Variants in SCRIB observed in about 807,000 individuals in gnomAD.
SCRIB encodes protein scribble homolog.
Under a neutral mutation model 170.0 loss-of-function variants are expected in SCRIB, and 72 were observed. The observed-to-expected ratio is 0.42, with a 90% CI of 0.35 to 0.52. The LOEUF (loss-of-function observed/expected upper bound fraction) is 0.52. Among genes scored for constraint, SCRIB ranks in the 20% least tolerant of loss-of-function variants. SCRIB has a pLI of 0.02. For synonymous variants in SCRIB, 1,298 were observed against 1,044.3 expected (o/e 1.24, Z -4.68); for missense variants, 2,475 against 2,338.5 (o/e 1.06, Z -1.20).
At chr8:143,798,136 A>C (rs1007930741) in intron 24 of SCRIB, among the ~76,000 whole-genome samples, 2 of 152,140 alleles carry the variant, frequency 1.3e-5, no homozygotes, top group African/African-American at 4.8e-5. Flanking sequence ...GACGCCTGTA[A>C]TCCCAGCTAC....
At chr8:143,802,070 G>A (rs782120009) in intron 24 of SCRIB, among the ~76,000 whole-genome samples, 3 of 152,246 alleles carry the variant, frequency 2.0e-5, no homozygotes, top group South Asian at 2.1e-4. Flanking sequence ...CGAATGAAAC[G>A]TGTTTAGATA....
rs146032533 is a variant in SCRIB, at chr8:143,805,469, C to A, written c.2347-34G>T. On this transcript the variant is annotated intron_variant, in intron 18 of 36. Transcript: ENST00000356994. Reference sequence around the variant, plus strand: ...CAGGGACCACGTGCGTATTCAGGACCCAGTGCCGCCACAGACAGCCACGTG... The same window carrying A: ...CAGGGACCACGTGCGTATTCAGGACACAGTGCCGCCACAGACAGCCACGTG... 4,124 of 1,444,042 alleles carry A rather than the reference C, an allele frequency of 2.9e-3. 21 individuals are homozygous for A. The highest frequency in any genetic ancestry group is 0.027 in the Middle Eastern group (150 of 5,570). 89.5% of individuals were successfully genotyped at this position (1,444,042 alleles called of 1,614,324 possible).
chr8:143,804,010 C>T (rs1448422623), intron 22 of SCRIB, 36 bp downstream of exon 22: 3 of 1,579,612 alleles, frequency 1.9e-6, no homozygotes, highest in South Asian at 2.3e-5. Flanking sequence ...GGGATGGGTG[C>T]ACCTCTCACA....
chr8:143,813,029 C>T lies in SCRIB; in HGVS notation c.642+1G>A. The T allele has an allele frequency of 6.2e-7, 1 of 1,601,606 alleles. No individual in the cohort carries two copies. The highest frequency in any genetic ancestry group is 8.5e-7 in the Non-Finnish European group (1 of 1,175,132). The stretch of plus-strand genomic sequence containing the variant: ...AGGGGGCCAGCCCCACCCTGACTCA[C>T]CGGGGGCAGTGCTGACAGCTGGTTC... On this transcript the variant is annotated splice_donor_variant, in intron 7 of 36. Coordinates refer to ENST00000356994, the MANE Select transcript of SCRIB (RefSeq NM_182706.5). LOFTEE classifies it high-confidence loss of function.
chr8:143,791,521 G>A, intron 35 of SCRIB, 81 bp from the exon 36 acceptor site: 1 of 1,588,906 alleles, frequency 6.3e-7, no homozygotes, highest in East Asian at 2.3e-5. Flanking sequence ...TCCCAGCCCT[G>A]AGGCCCACAG....
chr8:143,792,056 C>T lies in SCRIB; in HGVS notation c.4592G>A (p.Gly1531Glu). 1 of 1,587,110 alleles carries T rather than the reference C, an allele frequency of 6.3e-7. No homozygotes were observed. Among genetic ancestry groups the T allele is most frequent in the Non-Finnish European group, 8.5e-7 (1 of 1,171,956 alleles). The change falls in exon 33 of 37, where the codon GGG becomes GAG. Residue 1531 changes from glycine to glutamate, a missense_variant. Gly to Glu is a moderately conservative substitution (Grantham distance 98). Transcript: ENST00000356994. ...GGCCTCGGCCAGTCGCTCCAGGGGCCCCCGCGTGCCCCGGCCTTCCTGGGA... is the reference window on the plus strand; with the variant it reads ...GGCCTCGGCCAGTCGCTCCAGGGGCTCCCGCGTGCCCCGGCCTTCCTGGGA... ...SRSQEGRGTRGPLERLAEAPS... is the reference protein window; with the variant it reads ...SRSQEGRGTREPLERLAEAPS...
chr8:143,797,302 T>A (rs1814984239), intron 24 of SCRIB, among the ~76,000 whole-genome samples: 1 of 152,244 alleles, frequency 6.6e-6, no homozygotes, highest in Non-Finnish European at 1.5e-5. Flanking sequence ...GCTCACTTGT[T>A]AATGAAATGG....
In SCRIB at chr8:143,805,123, C is replaced by A; in HGVS notation, c.2659G>T (p.Ala887Ser). 1 of 1,592,966 alleles carries A rather than the reference C, an allele frequency of 6.3e-7. No individual in the cohort carries two copies. The highest frequency in any genetic ancestry group is 1.1e-5 in the South Asian group (1 of 88,186). Residue 887 changes from alanine to serine, a missense_variant, in exon 19 of 37, where the codon GCT becomes TCT. Physicochemically the swap from Ala to Ser is moderately conservative, Grantham distance 99. This residue lies in a region of SCRIB where 1,966 missense variants were observed against 1,742.9 expected (regional missense o/e 1.13). Coordinates refer to ENST00000356994, the MANE Select transcript of SCRIB (RefSeq NM_182706.5). ...AGGKGSTPYR[A>S]GDAGIFVSRI... ...GGCCCCAGCCTCACCGCATCACCAG[C>A]CCTGTAGGGTGTGGAGCCTTTCCCA...
chr8:143,812,813 T>C lies in SCRIB; in HGVS notation c.787+4A>G. The C allele has an allele frequency of 6.3e-7, 1 of 1,597,668 alleles. No homozygotes were observed. Among genetic ancestry groups the C allele is most frequent in the Non-Finnish European group, 8.5e-7 (1 of 1,177,918 alleles). On this transcript the variant is annotated splice_donor_region_variant and intron_variant, in intron 8 of 36. Transcript: ENST00000356994. ...CCCACCCAGGCACCCCCAGGCACAC[T>C]AACCGATGCCGTCGGGCAGCCTCCG...
At chr8:143,813,551 G>T in intron 4 of SCRIB, 25 bp from the exon 5 acceptor site, 1 of 1,613,150 alleles carries the variant, frequency 6.2e-7, no homozygotes, top group Non-Finnish European at 8.5e-7. Flanking sequence ...AGGCGCTGGG[G>T]CAAGAGGAAG....
Position 143,792,383 on chromosome 8 carries a change from G to A in SCRIB, c.4351C>T (p.Pro1451Ser), listed in dbSNP as rs782563109. The change falls in exon 32 of 37, where the codon CCC becomes TCC. Residue 1451 changes from proline (P) to serine (S), a missense_variant. Transcript: ENST00000356994. ...TSRQSPASPP[P>S]LGGGAPVRTA... is the part of the protein sequence containing the mutation. ...CGCACCGGGGCGCCACCTCCCAGGGGTGGGGGGGACGCCGGGCTCTGCCTG... is the reference window on the plus strand; with the variant it reads ...CGCACCGGGGCGCCACCTCCCAGGGATGGGGGGGACGCCGGGCTCTGCCTG... The A allele has an allele frequency of 1.3e-6, 2 of 1,516,936 alleles. No individual in the cohort carries two copies. The highest frequency in any genetic ancestry group is 2.5e-5 in the South Asian group (2 of 79,892). The allele number at this position is 1,516,936 out of a possible 1,614,324, so 94.0% of individuals were successfully genotyped here.
rs531139105 is a variant in SCRIB, at chr8:143,792,276, G to C, written c.4458C>G (p.Ser1486=). Residue 1486 remains serine (S), a synonymous_variant, in exon 32 of 37, where the codon TCC becomes TCG. Coordinates refer to ENST00000356994, the MANE Select transcript of SCRIB (RefSeq NM_182706.5). Reference sequence around the variant, plus strand: ...CCTCCAGGGCCCGGAGCTCGGCAGGGGACAGGGCACGCTCGGGTGCCGGTG... The same window carrying C: ...CCTCCAGGGCCCGGAGCTCGGCAGGCGACAGGGCACGCTCGGGTGCCGGTG... ...PEPPAPERAL[S]PAELRALEAE... 3 of 1,570,160 alleles carry C rather than the reference G, an allele frequency of 1.9e-6. No individual in the cohort carries two copies. Among genetic ancestry groups the C allele is most frequent in the East Asian group, 4.6e-5 (2 of 43,178 alleles).
intron 13 of SCRIB, 61 bp downstream of exon 13, chr8:143,810,418 G>T: frequency 6.3e-7 from 1 of 1,582,506 alleles, no homozygotes; most frequent in South Asian, 1.1e-5. Context: ...TCCCAGGATG[G>T]ACCGGACCAC....
chr8:143,791,318 AG>A lies in SCRIB; in HGVS notation c.4823-11del. ...TCCTCCTCCTGCGGGCCTGGAGGGC[AG>A]GGACAGGTGGGCAGTGAGCTGAGGG... On this transcript the variant is annotated splice_polypyrimidine_tract_variant and intron_variant, in intron 36 of 36. Transcript: ENST00000356994. 1.3e-6 allele frequency: 2 copies of A among 1,580,098 alleles called. No individual in the cohort carries two copies. Among genetic ancestry groups the A allele is most frequent in the East Asian group, 4.6e-5 (2 of 43,368 alleles).
In SCRIB at chr8:143,808,928, C is replaced by T. The variant is rs1815567712; in HGVS notation, c.1796G>A (p.Arg599Lys). 1.2e-6 allele frequency: 2 copies of T among 1,611,958 alleles called. No homozygotes were observed. The highest frequency in any genetic ancestry group is 1.7e-5 in the Admixed American group (1 of 60,006). Residue 599 changes from arginine to lysine, a missense_variant, in exon 15 of 37, where the codon AGG (arginine) becomes AAG (lysine). This residue lies in a region of SCRIB where 1,966 missense variants were observed against 1,742.9 expected (regional missense o/e 1.13). Coordinates refer to ENST00000356994, the MANE Select transcript of SCRIB (RefSeq NM_182706.5). ...TGTGTCCTTGCGGATGAGCCGCTGC[C>T]TCCCGCCTGGCAGGGTCCAGGGGGC... ...PEAPWTLPGG[R>K]QRLIRKDTPH...
At chr8:143,794,111 C>T (rs1317147809) in intron 27 of SCRIB, 149 bp from the exon 28 acceptor site, 9 of 697,592 alleles carry the variant, frequency 1.3e-5, no homozygotes, top group East Asian at 2.7e-5. Context: ...CCCAGACACT[C>T]GGTCAGCACG....
rs115558608 is a variant in SCRIB at position 143,814,778 on chromosome 8, G to A, written c.159+436C>T. On this transcript the variant is annotated intron_variant, in intron 1 of 36. Transcript: ENST00000356994. Reference sequence around the variant, plus strand: ...CGAGAAGCAAGGGTAAAGAAAGGGGGACAGCGAACAGATCCGAGAGCAAAG... The same window carrying A: ...CGAGAAGCAAGGGTAAAGAAAGGGGAACAGCGAACAGATCCGAGAGCAAAG... 384 of 179,270 alleles carry A rather than the reference G, an allele frequency of 2.1e-3. 3 individuals are homozygous for A. The highest frequency in any genetic ancestry group is 8.2e-3 in the African/African-American group (350 of 42,518). The allele number at this position is 179,270 out of a possible 1,614,324, so 11.1% of individuals were successfully genotyped here.
At position 143,809,101 on chromosome 8, in the gene SCRIB, G is replaced by A. The variant is rs1385318988; in HGVS notation, c.1699-76C>T. The stretch of plus-strand genomic sequence containing the variant: ...ACAGGAAGACCCTACTAAACAGTGT[G>A]GCCACAGACGGGCTCCGAAAGCCTC... On this transcript the variant is annotated intron_variant, in intron 14 of 36. Transcript: ENST00000356994. 9 of 1,499,382 alleles carry A rather than the reference G, an allele frequency of 6.0e-6. No homozygotes were observed. In the East Asian group the frequency reaches 1.6e-4, roughly 27 times the overall value. The allele number at this position is 1,499,382 out of a possible 1,614,324, so 92.9% of individuals were successfully genotyped here. A position where few individuals can be genotyped will look rare whatever the true frequency, so the allele number is the denominator to read the frequency against.
intron 16 of SCRIB, 27 bp downstream of exon 16, chr8:143,807,516 GCGGCCCGGC>G (rs782488524): frequency 1.3e-6 from 2 of 1,565,992 alleles, no homozygotes; most frequent in Non-Finnish European, 1.8e-6. Flanking sequence ...AAGGCCAGCA[GCGGCCCGGC>G]CAGAGTGCAG....
Sources: allele counts gnomAD v4.1 joint callset (sites outside exome capture counted in the v4.1 genomes callset), GRCh38; gene constraint gnomAD v4.1.1; regional missense constraint gnomAD v4.1.1; transcripts MANE v1.5; gene names NCBI Gene and HGNC (gene_info 2026-07-23, HGNC 2026-07-21).